Variants in ACOXL observed in about 807,000 individuals in gnomAD.
ACOXL encodes the protein acyl-coenzyme A oxidase-like protein.
Under a neutral mutation model 71.9 loss-of-function variants are expected in ACOXL, and 70 were observed. The observed-to-expected ratio is 0.97, with a 90% CI of 0.80 to 1.19. The LOEUF (loss-of-function observed/expected upper bound fraction) is 1.19, where lower values mean the gene tolerates loss of function less well. ACOXL is among the 50% of genes most tolerant of loss of function. The pLI is 0.00. For missense variants in ACOXL, 703 were observed against 736.3 expected (o/e 0.95, Z 0.52); for synonymous variants, 253 against 281.6 (o/e 0.90, Z 1.02).
intron 5 of ACOXL, among the ~76,000 whole-genome samples, chr2:110,798,024 T>C (rs1386626274): frequency 1.3e-5 from 2 of 152,196 alleles, no homozygotes; most frequent in Non-Finnish European, 2.9e-5. Flanking sequence ...CTTTTAAAGA[T>C]TGAAAACTGG....
chr2:110,758,218 T>A (rs1679946735), intron 1 of ACOXL, among the ~76,000 whole-genome samples: 1 of 152,184 alleles, frequency 6.6e-6, no homozygotes. Flanking sequence ...GCAGTTTTAT[T>A]TCTGAGTTCT....
rs548001377 is a variant in ACOXL at position 111,003,550 on chromosome 2, CAAAAAAAAAAAAA to C, written c.1281+7563_1281+7575del. Among the ~76,000 whole-genome samples the C allele has an allele frequency of 9.3e-3, 328 of 35,344 alleles. 2 individuals are homozygous for C. Among genetic ancestry groups the C allele is most frequent in the South Asian group, 0.016 (11 of 688 alleles). The allele number at this position is 35,344 out of a possible 152,430, so 23.2% of individuals were successfully genotyped here. ...TGGGCGACAGGGCGAGACTCTGTCT[CAAAAAAAAAAAAA>C]AAAAAAAAAAAAAAAAGAATCACAG... On this transcript the variant is annotated intron_variant, in intron 14 of 17. Transcript: ENST00000439055.
At chr2:111,105,922 A>C (rs995787137) in intron 17 of ACOXL, among the ~76,000 whole-genome samples, 5 of 152,064 alleles carry the variant, frequency 3.3e-5, no homozygotes, top group Non-Finnish European at 7.4e-5. Context: ...GTAAAATGTC[A>C]TTTCTCTTTC....
At chr2:110,850,221 CAG>C (rs1420631797) in intron 10 of ACOXL, among the ~76,000 whole-genome samples, 1 of 152,078 alleles carries the variant, frequency 6.6e-6, no homozygotes, top group East Asian at 1.9e-4. Context: ...TCTTCAGACA[CAG>C]AAAGTATGAA....
chr2:110,878,174 C>G (rs1443926634), intron 10 of ACOXL, among the ~76,000 whole-genome samples: 1 of 152,032 alleles, frequency 6.6e-6, no homozygotes, highest in Non-Finnish European at 1.5e-5. Context: ...TTTCAAGAAG[C>G]AAAAGAAGGT....
chr2:110,957,499 G>C (rs1279207055), intron 12 of ACOXL, among the ~76,000 whole-genome samples: 1 of 152,158 alleles, frequency 6.6e-6, no homozygotes, highest in African/African-American at 2.4e-5. Flanking sequence ...CTCACAACTC[G>C]AGCTGGAAGT....
At chr2:110,760,965 A>G (rs749077319) in intron 1 of ACOXL, among the ~76,000 whole-genome samples, 10 of 152,230 alleles carry the variant, frequency 6.6e-5, no homozygotes, top group Non-Finnish European at 1.3e-4. Flanking sequence ...TGGAGTGTCA[A>G]AGGGCAAGAG....
At chr2:110,822,497 A>C (rs1270530991) in intron 9 of ACOXL, among the ~76,000 whole-genome samples, 1 of 152,188 alleles carries the variant, frequency 6.6e-6, no homozygotes, top group Non-Finnish European at 1.5e-5. Context: ...GCTGATGTAC[A>C]GTTAGTTCAC....
chr2:111,073,061 G>A (rs1227595483), intron 16 of ACOXL, among the ~76,000 whole-genome samples: 2 of 152,084 alleles, frequency 1.3e-5, no homozygotes, highest in African/African-American at 2.4e-5. Flanking sequence ...ATCCCCTTTA[G>A]TGAAACTGAT....
chr2:110,896,558 CA>C (rs1194387403), intron 10 of ACOXL, among the ~76,000 whole-genome samples: 2 of 151,520 alleles, frequency 1.3e-5, no homozygotes, highest in East Asian at 3.9e-4. Flanking sequence ...AAAGATTTGC[CA>C]AAAAAAGAAG....
chr2:111,046,981 G>A (rs534708616), intron 15 of ACOXL, among the ~76,000 whole-genome samples: 13 of 152,326 alleles, frequency 8.5e-5, no homozygotes, highest in South Asian at 6.2e-4. Flanking sequence ...GGGAAAGAGC[G>A]AGAAGTTCTC....
At chr2:110,895,289 G>A (rs2058963246) in intron 10 of ACOXL, among the ~76,000 whole-genome samples, 1 of 151,992 alleles carries the variant, frequency 6.6e-6, no homozygotes, top group Non-Finnish European at 1.5e-5. Context: ...AAAACTAATT[G>A]GATGGTCTCA....
intron 12 of ACOXL, among the ~76,000 whole-genome samples, chr2:110,964,894 C>G (rs2149462921): frequency 6.6e-6 from 1 of 152,308 alleles, no homozygotes; most frequent in Admixed American, 6.5e-5. Context: ...TCACTCTACT[C>G]TGCTATCGAA....
chr2:111,109,748 G>C (rs1174248738), intron 17 of ACOXL, among the ~76,000 whole-genome samples: 4 of 122,626 alleles, frequency 3.3e-5, no homozygotes, highest in African/African-American at 1.3e-4. Context: ...GCATGATCTT[G>C]GCTCACTGCA....
chr2:111,064,759 A>G (rs540275365), intron 16 of ACOXL, among the ~76,000 whole-genome samples: 14 of 152,330 alleles, frequency 9.2e-5, no homozygotes, highest in African/African-American at 3.4e-4. Flanking sequence ...ACCATGTACA[A>G]TGTCTCAAAA....
Position 110,801,633 on chromosome 2 carries a change from C to T in ACOXL, c.548-19C>T, listed in dbSNP as rs1686010683. 1 of 1,609,586 alleles carries T rather than the reference C, an allele frequency of 6.2e-7. No homozygotes were observed. ...ATACTTCTGATGCTGCATCCATTTC[C>T]CCTTTCTATTCTTGCCAGGTCTGCA... On this transcript the variant is annotated intron_variant, in intron 7 of 17. Transcript: ENST00000439055.
intron 12 of ACOXL, among the ~76,000 whole-genome samples, chr2:110,974,245 A>G (rs1449696631): frequency 1.3e-5 from 2 of 152,322 alleles, no homozygotes; most frequent in Admixed American, 1.3e-4. Flanking sequence ...GAGTTTCACA[A>G]TATTCTGATA....
intron 10 of ACOXL, among the ~76,000 whole-genome samples, chr2:110,876,964 C>T (rs557939398): frequency 2.6e-5 from 4 of 152,244 alleles, no homozygotes; most frequent in Admixed American, 6.5e-5. Context: ...CCTGGTAGGC[C>T]GGAGCTTAAG....
At chr2:110,847,125 A>T (rs1489855982) in intron 10 of ACOXL, among the ~76,000 whole-genome samples, 1 of 151,944 alleles carries the variant, frequency 6.6e-6, no homozygotes, top group Non-Finnish European at 1.5e-5. Context: ...TTTGCAGATA[A>T]CAGCTCTCGG....
Sources: gnomAD v4.1 joint callset for allele counts (sites outside exome capture counted in the v4.1 genomes callset) on GRCh38, gnomAD v4.1.1 for gene constraint, MANE v1.5 for transcripts, NCBI Gene and HGNC (gene_info 2026-07-23, HGNC 2026-07-21) for gene names.